Variants in CCDC175 observed in about 807,000 individuals in gnomAD.
CCDC175 encodes coiled-coil domain-containing protein 175.
CCDC175 carries 100 observed loss-of-function variants against 114.6 expected under a neutral mutation model. That is an observed-to-expected ratio of 0.87 (90% CI 0.74 to 1.03). CCDC175 has a LOEUF of 1.03. CCDC175 is among the 50% of genes least tolerant of loss of function. CCDC175 has a pLI of 0.00. For missense variants in CCDC175, 880 were observed against 917.8 expected (o/e 0.96, Z 0.53); for synonymous variants, 306 against 308.7 (o/e 0.99, Z 0.09).
At chr14:59,556,951 A>G (rs1468875233) in intron 7 of CCDC175, among the ~76,000 whole-genome samples, 1 of 152,184 alleles carries the variant, frequency 6.6e-6, no homozygotes, top group Non-Finnish European at 1.5e-5. Context: ...GTGATCATTA[A>G]AAAGTCAGGA....
At chr14:59,537,294 G>T (rs1019303395) in intron 13 of CCDC175, among the ~76,000 whole-genome samples, 24 of 152,272 alleles carry the variant, frequency 1.6e-4, no homozygotes, top group African/African-American at 5.5e-4. Context: ...TGGCAGGATG[G>T]GATGGGGTGG....
intron 3 of CCDC175, among the ~76,000 whole-genome samples, chr14:59,570,053 G>C (rs774462897): frequency 2.0e-5 from 3 of 152,116 alleles, no homozygotes; most frequent in Non-Finnish European, 4.4e-5. Flanking sequence ...CTCTCTGGGG[G>C]TGTTAGGGGT....
chr14:59,521,044 T>C (rs749205506), intron 17 of CCDC175, among the ~76,000 whole-genome samples: 2 of 152,218 alleles, frequency 1.3e-5, no homozygotes, highest in Non-Finnish European at 2.9e-5. Flanking sequence ...ATGGTTAATA[T>C]TGTCAACTTG....
At chr14:59,516,959 A>G (rs566397895) in intron 17 of CCDC175, among the ~76,000 whole-genome samples, 99 of 152,308 alleles carry the variant, frequency 6.5e-4, no homozygotes, top group African/African-American at 2.2e-3. Flanking sequence ...CACATCAAAA[A>G]GCTTATCCAC....
At chr14:59,539,281 A>G (rs192470650) in intron 11 of CCDC175, among the ~76,000 whole-genome samples, 7 of 152,234 alleles carry the variant, frequency 4.6e-5, no homozygotes, top group African/African-American at 1.4e-4. Context: ...AAGAATGGTA[A>G]AAATGTGCAA....
chr14:59,536,741 A>G (rs10148898), intron 13 of CCDC175, among the ~76,000 whole-genome samples: 21 of 152,056 alleles, frequency 1.4e-4, no homozygotes, highest in African/African-American at 5.1e-4. Context: ...CTGCTATTAA[A>G]TTATTTTTTT....
At chr14:59,536,246 T>C (rs1468627790) in intron 13 of CCDC175, among the ~76,000 whole-genome samples, 1 of 152,062 alleles carries the variant, frequency 6.6e-6, no homozygotes, top group Non-Finnish European at 1.5e-5. Flanking sequence ...CTGCCTAGCA[T>C]GCCCTCTGCC....
chr14:59,519,894 G>T (rs1183001396), intron 17 of CCDC175, among the ~76,000 whole-genome samples: 1 of 152,192 alleles, frequency 6.6e-6, no homozygotes, highest in Non-Finnish European at 1.5e-5. Flanking sequence ...ACTGCTACAT[G>T]GAGAGGCCAT....
intron 7 of CCDC175, among the ~76,000 whole-genome samples, 157 bp from the exon 8 acceptor site, chr14:59,551,593 T>C (rs1895489476): frequency 6.6e-6 from 1 of 152,200 alleles, no homozygotes; most frequent in South Asian, 2.1e-4. Flanking sequence ...ACCGGGTTCA[T>C]CTCACTGGGG....
chr14:59,509,348 C>A (rs984704838), intron 19 of CCDC175, among the ~76,000 whole-genome samples: 1 of 152,146 alleles, frequency 6.6e-6, no homozygotes, highest in Non-Finnish European at 1.5e-5. Flanking sequence ...TATCACCAGG[C>A]TCATCATGAT....
chr14:59,556,627 A>G (rs1353182880), intron 7 of CCDC175, among the ~76,000 whole-genome samples: 1 of 152,202 alleles, frequency 6.6e-6, no homozygotes, highest in Non-Finnish European at 1.5e-5. Context: ...TAATTAAACT[A>G]AAGAGCTTCT....
Position 59,572,715 on chromosome 14 carries a change from CT to C in CCDC175, c.341del (p.Lys114ArgfsTer14). ...YLLETLPNSI[K>X]RELEECVRDA... ...CCTCAAAAGTACCTTCCAATTCCCT[CT>C]TAATGCTATTGGGAAGAGTTTCCAA... On this transcript the variant is annotated frameshift_variant, in exon 3 of 20. Transcript: ENST00000537690. LOFTEE classifies it high-confidence loss of function. 6.7e-7 allele frequency: 1 copy of C among 1,496,910 alleles called. No homozygotes were observed. The highest frequency in any genetic ancestry group is 8.8e-7 in the Non-Finnish European group (1 of 1,130,696). 92.7% of individuals were successfully genotyped at this position (1,496,910 alleles called of 1,614,324 possible). A position where few individuals can be genotyped will look rare whatever the true frequency, so the allele number is the denominator to read the frequency against.
At chr14:59,555,760 A>C (rs1158323651) in intron 7 of CCDC175, among the ~76,000 whole-genome samples, 5 of 152,244 alleles carry the variant, frequency 3.3e-5, no homozygotes, top group Non-Finnish European at 7.3e-5. Flanking sequence ...AAGCAACTTC[A>C]GCAAAGTCTC....
At chr14:59,538,191 G>C in intron 12 of CCDC175, 37 bp from the exon 13 acceptor site, 1 of 1,507,318 alleles carries the variant, frequency 6.6e-7, no homozygotes, top group Non-Finnish European at 8.8e-7. Flanking sequence ...CATTTCTCTT[G>C]TAGTGATCAG....
intron 15 of CCDC175, 76 bp from the exon 16 acceptor site, chr14:59,525,510 C>G (rs1383314482): frequency 1.0e-6 from 1 of 962,974 alleles, no homozygotes; most frequent in Non-Finnish European, 1.5e-6. Context: ...GCCTAGGTCA[C>G]ATTTGGAGCC....
intron 16 of CCDC175, among the ~76,000 whole-genome samples, chr14:59,523,490 C>T (rs1240934435): frequency 1.3e-5 from 2 of 152,122 alleles, no homozygotes; most frequent in African/African-American, 2.4e-5. Flanking sequence ...TCAATTTACA[C>T]ATCTATAAAA....
chr14:59,551,194 C>A, intron 8 of CCDC175, 161 bp downstream of exon 8: 2 of 466,532 alleles, frequency 4.3e-6, no homozygotes, highest in Non-Finnish European at 7.5e-6. Context: ...AATTAAAGTA[C>A]TTTGGGAGGA....
At chr14:59,544,710 A>G (rs1002902044) in intron 9 of CCDC175, among the ~76,000 whole-genome samples, 2 of 152,242 alleles carry the variant, frequency 1.3e-5, no homozygotes, top group Non-Finnish European at 2.9e-5. Flanking sequence ...AATGGCAGAA[A>G]GGAACATTGT....
intron 16 of CCDC175, among the ~76,000 whole-genome samples, chr14:59,524,734 A>G (rs112476368): frequency 0.041 from 6,258 of 152,268 alleles, 164 homozygotes; most frequent in Non-Finnish European, 0.06. Flanking sequence ...AGAAATATGT[A>G]TGTATGTTCA....
Sources: allele counts gnomAD v4.1 joint callset (sites outside exome capture counted in the v4.1 genomes callset), GRCh38; gene constraint gnomAD v4.1.1; transcripts MANE v1.5; gene names NCBI Gene and HGNC (gene_info 2026-07-23, HGNC 2026-07-21).